Variants in SHC3 observed in about 807,000 individuals in gnomAD.
SHC3 encodes the protein SHC-transforming protein 3.
SHC3 carries 15 observed loss-of-function variants against 60.4 expected under a neutral mutation model. That is an observed-to-expected ratio of 0.25 (90% CI 0.17 to 0.38). The LOEUF is 0.38. Ranked by LOEUF, SHC3 falls within the 10% of genes least tolerant of loss-of-function variation. The pLI, the probability that SHC3 is intolerant of heterozygous loss-of-function variation, is 1.00. For missense variants in SHC3, 677 were observed against 786.1 expected, an observed-to-expected ratio of 0.86 and a Z score of 1.66; for synonymous variants, 294 against 325.9, an observed-to-expected ratio of 0.90 and a Z score of 1.05.
chr9:89,047,971 C>T (rs752840095), intron 7 of SHC3, among the ~76,000 whole-genome samples: 17 of 152,126 alleles, frequency 1.1e-4, no homozygotes, highest in African/African-American at 3.4e-4. Flanking sequence ...TAGGGCCGGG[C>T]GCAGTGGCTG....
intron 2 of SHC3, among the ~76,000 whole-genome samples, chr9:89,106,751 G>T (rs2118096565): frequency 6.6e-6 from 1 of 152,320 alleles, no homozygotes; most frequent in Middle Eastern, 3.4e-3. Context: ...CTGGGGGAAT[G>T]CAACTGAAGA....
chr9:89,140,088 G>A (rs993429853), intron 1 of SHC3, among the ~76,000 whole-genome samples: 1 of 152,134 alleles, frequency 6.6e-6, no homozygotes, highest in African/African-American at 2.4e-5. Flanking sequence ...AAAGCCATTA[G>A]ACTTTTTACT....
chr9:89,123,776 A>G (rs929618479), intron 1 of SHC3, among the ~76,000 whole-genome samples: 6 of 152,168 alleles, frequency 3.9e-5, no homozygotes, highest in African/African-American at 1.4e-4. Context: ...TTCTACCTTC[A>G]GTGTCTATTA....
In SHC3 at chr9:89,116,565, A is replaced by G. The variant is rs564760416; in HGVS notation, c.475-3939T>C. ...AACACCAAAAGATGTGAAAACCACAACTGGCATCACAGTTATGTGAACACC... is the reference window on the plus strand; with the variant it reads ...AACACCAAAAGATGTGAAAACCACAGCTGGCATCACAGTTATGTGAACACC... On this transcript the variant is annotated intron_variant, in intron 1 of 11. Transcript: ENST00000375835. 3.9e-5 allele frequency among the ~76,000 whole-genome samples: 6 copies of G among 152,356 alleles called. No individual in the cohort carries two copies. In the South Asian group the frequency reaches 1.2e-3, roughly 32 times the overall value.
At chr9:89,121,132 T>C (rs929377909) in intron 1 of SHC3, among the ~76,000 whole-genome samples, 1 of 152,192 alleles carries the variant, frequency 6.6e-6, no homozygotes, top group Non-Finnish European at 1.5e-5. Flanking sequence ...AAAGCTTATA[T>C]GACTGCTGTC....
chr9:89,090,019 CA>C (rs1825597178), intron 2 of SHC3, among the ~76,000 whole-genome samples: 1 of 152,346 alleles, frequency 6.6e-6, no homozygotes, highest in Admixed American at 6.5e-5. Context: ...GGCCCACGAG[CA>C]AACACACGGA....
intron 11 of SHC3, among the ~76,000 whole-genome samples, chr9:89,034,447 C>T (rs574730455): frequency 6.6e-5 from 10 of 152,354 alleles, no homozygotes; most frequent in Middle Eastern, 3.4e-3. Context: ...CAAGGACACT[C>T]TCCCCTGGTC....
chr9:89,116,693 G>A (rs1826023982), intron 1 of SHC3, among the ~76,000 whole-genome samples: 1 of 152,168 alleles, frequency 6.6e-6, no homozygotes, highest in Non-Finnish European at 1.5e-5. Context: ...GTATCACTGA[G>A]TTATGTAAAT....
chr9:89,051,388 A>T (rs1029445951), intron 7 of SHC3, among the ~76,000 whole-genome samples: 2 of 152,328 alleles, frequency 1.3e-5, no homozygotes, highest in Middle Eastern at 3.4e-3. Flanking sequence ...TAGAACCTGA[A>T]CATTTTTTAT....
At chr9:89,019,712 C>T (rs1826166497) in intron 11 of SHC3, among the ~76,000 whole-genome samples, 1 of 152,060 alleles carries the variant, frequency 6.6e-6, no homozygotes, top group Admixed American at 6.5e-5. Context: ...ATGAGATCTA[C>T]ATGAGGAAAA....
intron 5 of SHC3, among the ~76,000 whole-genome samples, chr9:89,069,134 C>T (rs1247775484): frequency 6.6e-6 from 1 of 152,080 alleles, no homozygotes; most frequent in African/African-American, 2.4e-5. Context: ...ATGGTGAAAC[C>T]CTGTCTCTAC....
chr9:89,117,172 C>G (rs17054738), intron 1 of SHC3, among the ~76,000 whole-genome samples: 2,099 of 152,252 alleles, frequency 0.014, 20 homozygotes, highest in Middle Eastern at 0.037. Flanking sequence ...GTTATATTAC[C>G]AGCAACACCA....
chr9:89,124,068 A>G (rs1587739713), intron 1 of SHC3, among the ~76,000 whole-genome samples: 1 of 152,128 alleles, frequency 6.6e-6, no homozygotes, highest in Non-Finnish European at 1.5e-5. Flanking sequence ...CTGCATTGCC[A>G]GCAAACATAT....
At chr9:89,140,346 G>A (rs1826375799) in intron 1 of SHC3, among the ~76,000 whole-genome samples, 1 of 151,772 alleles carries the variant, frequency 6.6e-6, no homozygotes, top group Non-Finnish European at 1.5e-5. Context: ...CCCCCCCCCA[G>A]ATTAAGGGTC....
At chr9:89,124,882 A>G (rs1826142351) in intron 1 of SHC3, among the ~76,000 whole-genome samples, 1 of 152,150 alleles carries the variant, frequency 6.6e-6, no homozygotes, top group Non-Finnish European at 1.5e-5. Flanking sequence ...ATCTGAAAAA[A>G]GGAAAAAAAT....
At chr9:89,013,879 C>A (rs958087568) in intron 11 of SHC3, among the ~76,000 whole-genome samples, 2 of 152,216 alleles carry the variant, frequency 1.3e-5, no homozygotes, top group African/African-American at 4.8e-5. Flanking sequence ...CTTCACCAAC[C>A]AAGGTCACCT....
chr9:89,080,273 T>C (rs1290153961), intron 2 of SHC3, among the ~76,000 whole-genome samples: 4 of 152,190 alleles, frequency 2.6e-5, no homozygotes, highest in African/African-American at 9.7e-5. Context: ...CTTCTTAACA[T>C]TCTGTTCAGT....
chr9:89,046,702 A>G, intron 8 of SHC3, 142 bp downstream of exon 8: 1 of 1,020,166 alleles, frequency 9.8e-7, no homozygotes, highest in South Asian at 2.4e-5. Flanking sequence ...ATGCCTCATG[A>G]AATCCAGTGA....
In SHC3 at chr9:89,045,739, C is replaced by T. The variant is rs765060816; in HGVS notation, c.1201+7G>A. Reference sequence around the variant, plus strand: ...GTGTTTCTCACCCATCTCACCTTGCCTCTCACCTTGCCTTAAAGGTGTTTG... The same window carrying T: ...GTGTTTCTCACCCATCTCACCTTGCTTCTCACCTTGCCTTAAAGGTGTTTG... On this transcript the variant is annotated splice_region_variant and intron_variant, in intron 9 of 11. Transcript: ENST00000375835. 1 of 1,613,662 alleles carries T rather than the reference C, an allele frequency of 6.2e-7. No homozygotes were observed. Among genetic ancestry groups the T allele is most frequent in the South Asian group, 1.1e-5 (1 of 91,074 alleles).
Sources: allele counts gnomAD v4.1 joint callset (sites outside exome capture counted in the v4.1 genomes callset), GRCh38; gene constraint gnomAD v4.1.1; transcripts MANE v1.5; gene names NCBI Gene and HGNC (gene_info 2026-07-23, HGNC 2026-07-21).